The following RABGAP1L variants were observed in gnomAD, a reference collection of about 807,000 sequenced individuals.
The protein encoded by RABGAP1L is RAB GTPase activating protein 1 like, also known as rab GTPase-activating protein 1-like.
RABGAP1L carries 63 observed loss-of-function variants against 137.7 expected under a neutral mutation model. That is an observed-to-expected ratio of 0.46 (90% CI 0.37 to 0.56). The LOEUF is 0.56. Among genes scored for constraint, RABGAP1L ranks in the 20% least tolerant of loss-of-function variants. The pLI is 0.00. For synonymous variants in RABGAP1L, 431 were observed against 433.7 expected, an observed-to-expected ratio of 0.99 and a Z score of 0.08; for missense variants, 1,095 against 1,244.0, an observed-to-expected ratio of 0.88 and a Z score of 1.80.
At chr1:174,199,524 G>C (rs181268104) in intron 1 of RABGAP1L, among the ~76,000 whole-genome samples, 1 of 152,006 alleles carries the variant, frequency 6.6e-6, no homozygotes, top group South Asian at 2.1e-4. Flanking sequence ...ACTCCTGACC[G>C]CAAGTGATCC....
At chr1:174,322,627 TTAGAGTCA>T (rs1664735428) in intron 11 of RABGAP1L, among the ~76,000 whole-genome samples, 1 of 152,172 alleles carries the variant, frequency 6.6e-6, no homozygotes, top group South Asian at 2.1e-4. Flanking sequence ...TTTCCTAGCC[TTAGAGTCA>T]TACAGTATTA....
chr1:174,259,407 A>G (rs923001323), intron 7 of RABGAP1L, among the ~76,000 whole-genome samples: 1 of 152,220 alleles, frequency 6.6e-6, no homozygotes, highest in South Asian at 2.1e-4. Flanking sequence ...CTGAGGTACA[A>G]AAGTTACATA....
intron 15 of RABGAP1L, among the ~76,000 whole-genome samples, chr1:174,694,150 T>G (rs1306361662): frequency 6.6e-6 from 1 of 152,174 alleles, no homozygotes; most frequent in Admixed American, 6.5e-5. Context: ...ATAACATATA[T>G]GGTTACCTGC....
chr1:174,785,200 G>C (rs1247189971), intron 18 of RABGAP1L, among the ~76,000 whole-genome samples: 2 of 152,294 alleles, frequency 1.3e-5, no homozygotes, highest in Non-Finnish European at 2.9e-5. Flanking sequence ...GAGTAGCTGG[G>C]ATTACAGGCA....
intron 14 of RABGAP1L, among the ~76,000 whole-genome samples, chr1:174,679,119 C>T (rs944516086): frequency 3.9e-5 from 6 of 152,212 alleles, no homozygotes; most frequent in Admixed American, 3.9e-4. Flanking sequence ...ATTGTCCCTC[C>T]TCCTGTTCTC....
rs527749495 is a variant in RABGAP1L at position 174,614,865 on chromosome 1, C to T, written c.1711-22510C>T. Among the ~76,000 whole-genome samples the T allele has an allele frequency of 2.6e-4, 39 of 152,302 alleles. No homozygotes were observed. The South Asian group carries it at 6.2e-3, about 24-fold the overall frequency. ...ACTGATACCCTTTCTTCCAGTTGATCGTATCGGCTCCTGAGGCTTCTGCAT... is the reference window on the plus strand; with the variant it reads ...ACTGATACCCTTTCTTCCAGTTGATTGTATCGGCTCCTGAGGCTTCTGCAT... On this transcript the variant is annotated intron_variant, in intron 13 of 25. Transcript: ENST00000681986.
intron 21 of RABGAP1L, 131 bp from the exon 22 acceptor site, chr1:174,975,947 A>G: frequency 1.3e-6 from 1 of 771,656 alleles, no homozygotes; most frequent in South Asian, 1.7e-5. Context: ...TGGTTGAGCT[A>G]GGAGGGAAAA....
At chr1:174,246,718 C>T (rs1269903452) in intron 5 of RABGAP1L, among the ~76,000 whole-genome samples, 5 of 152,110 alleles carry the variant, frequency 3.3e-5, no homozygotes, top group Non-Finnish European at 7.4e-5. Context: ...ACTTAAACAT[C>T]TATGCATTTT....
chr1:174,603,489 T>C (rs925999458), intron 13 of RABGAP1L, among the ~76,000 whole-genome samples: 4 of 152,264 alleles, frequency 2.6e-5, no homozygotes, highest in Non-Finnish European at 5.9e-5. Flanking sequence ...AGGCCAGAAC[T>C]GCCATTCGGG....
chr1:174,315,956 T>C (rs1679340232), intron 11 of RABGAP1L, among the ~76,000 whole-genome samples: 1 of 152,176 alleles, frequency 6.6e-6, no homozygotes, highest in Non-Finnish European at 1.5e-5. Flanking sequence ...TCTCTGACTG[T>C]ATTTTCATAT....
chr1:174,350,516 CA>C (rs1683052717), intron 11 of RABGAP1L, among the ~76,000 whole-genome samples: 1 of 138,832 alleles, frequency 7.2e-6, no homozygotes, highest in Non-Finnish European at 1.6e-5. Context: ...AGACGCTCCT[CA>C]CTTCCTAGAT....
intron 13 of RABGAP1L, among the ~76,000 whole-genome samples, chr1:174,534,181 T>C (rs1460739712): frequency 6.9e-6 from 1 of 145,056 alleles, no homozygotes; most frequent in African/African-American, 2.6e-5. Flanking sequence ...TGTGTGTGTG[T>C]GTCCCTAAAC....
chr1:174,605,141 A>AAAACC (rs1374381546), intron 13 of RABGAP1L, among the ~76,000 whole-genome samples: 83 of 148,718 alleles, frequency 5.6e-4, no homozygotes, highest in African/African-American at 2.0e-3. Flanking sequence ...ACCCTGTCTC[A>AAAACC]AAACCAAACC....
intron 7 of RABGAP1L, among the ~76,000 whole-genome samples, chr1:174,269,432 T>C (rs1168345865): frequency 6.6e-6 from 1 of 152,236 alleles, no homozygotes; most frequent in Non-Finnish European, 1.5e-5. Context: ...TATAGTTTTG[T>C]AGTGATAGAC....
At chr1:174,574,000 T>G (rs1026089174) in intron 13 of RABGAP1L, among the ~76,000 whole-genome samples, 1 of 152,228 alleles carries the variant, frequency 6.6e-6, no homozygotes, top group Non-Finnish European at 1.5e-5. Context: ...AAAATGTCTC[T>G]GAGCAGCCAG....
chr1:174,947,931 G>A (rs1286227771), intron 19 of RABGAP1L, among the ~76,000 whole-genome samples: 1 of 152,118 alleles, frequency 6.6e-6, no homozygotes, highest in East Asian at 1.9e-4. Flanking sequence ...TAAAATTTAT[G>A]TATAAATTGG....
chr1:174,770,297 A>T (rs181493399), intron 18 of RABGAP1L, among the ~76,000 whole-genome samples: 1 of 152,314 alleles, frequency 6.6e-6, no homozygotes, highest in East Asian at 1.9e-4. Flanking sequence ...AAACCAACAA[A>T]CACAAATACT....
At chr1:174,327,820 T>C (rs1442563528) in intron 11 of RABGAP1L, among the ~76,000 whole-genome samples, 1 of 150,768 alleles carries the variant, frequency 6.6e-6, no homozygotes, top group African/African-American at 2.4e-5. Flanking sequence ...CACGCAAATA[T>C]AAACTAAAAG....
intron 19 of RABGAP1L, among the ~76,000 whole-genome samples, chr1:174,919,937 G>T (rs1175336040): frequency 6.6e-6 from 1 of 152,154 alleles, no homozygotes; most frequent in Non-Finnish European, 1.5e-5. Context: ...AGTTTATTTG[G>T]GGTCACCAGG....
Sources: gnomAD v4.1 joint callset for allele counts (sites outside exome capture counted in the v4.1 genomes callset) on GRCh38, gnomAD v4.1.1 for gene constraint, MANE v1.5 for transcripts, NCBI Gene and HGNC (gene_info 2026-07-23, HGNC 2026-07-21) for gene names.